Variants in FRMD4A observed in about 807,000 individuals in gnomAD.
FRMD4A encodes the protein FERM domain containing 4A.
Under a neutral mutation model 129.1 loss-of-function variants are expected in FRMD4A, and 29 were observed. The ratio of observed to expected loss-of-function variants is 0.22; its 90% CI spans 0.17 to 0.31. The LOEUF (loss-of-function observed/expected upper bound fraction) is 0.31, where lower values mean the gene tolerates loss of function less well. Ranked by LOEUF, FRMD4A falls within the 10% of genes least tolerant of loss-of-function variation. The pLI is 1.00. For missense variants in FRMD4A, 1,272 were observed against 1,375.8 expected, an observed-to-expected ratio of 0.92 and a Z score of 1.19; for synonymous variants, 634 against 571.6, an observed-to-expected ratio of 1.11 and a Z score of -1.56.
chr10:14,188,291 T>C (rs1247353385), intron 2 of FRMD4A, among the ~76,000 whole-genome samples: 2 of 152,182 alleles, frequency 1.3e-5, no homozygotes, highest in African/African-American at 4.8e-5. Flanking sequence ...CTGGGCTCTT[T>C]GTGTGGTTTG....
intron 2 of FRMD4A, among the ~76,000 whole-genome samples, chr10:14,116,924 G>C (rs922278649): frequency 6.6e-6 from 1 of 152,092 alleles, no homozygotes; most frequent in Non-Finnish European, 1.5e-5. Context: ...GTTTGTTTTT[G>C]GTTAAAAGCA....
chr10:13,976,653 G>A (rs1409089982), intron 2 of FRMD4A, among the ~76,000 whole-genome samples: 1 of 152,120 alleles, frequency 6.6e-6, no homozygotes, highest in Non-Finnish European at 1.5e-5. Context: ...CAAGTAATGT[G>A]TAGTGCTATT....
intron 13 of FRMD4A, among the ~76,000 whole-genome samples, chr10:13,705,377 C>A (rs574261600): frequency 1.3e-5 from 2 of 152,090 alleles, no homozygotes; most frequent in Non-Finnish European, 1.5e-5. Flanking sequence ...TATATGCGTG[C>A]GTGGTTAAAG....
At chr10:14,139,495 G>T (rs1215231543) in intron 2 of FRMD4A, among the ~76,000 whole-genome samples, 1 of 151,628 alleles carries the variant, frequency 6.6e-6, no homozygotes, top group Non-Finnish European at 1.5e-5. Flanking sequence ...TGTCACCAAG[G>T]CTGGAATACT....
intron 3 of FRMD4A, among the ~76,000 whole-genome samples, chr10:13,813,322 G>T (rs1475190102): frequency 6.6e-6 from 1 of 152,212 alleles, no homozygotes; most frequent in African/African-American, 2.4e-5. Flanking sequence ...GCGTGTGCTT[G>T]TAATTCCAGC....
At chr10:14,297,856 C>T (rs4532921) in intron 2 of FRMD4A, among the ~76,000 whole-genome samples, 62,733 of 151,794 alleles carry the variant, frequency 0.41, 13,210 homozygotes, top group Middle Eastern at 0.6. Flanking sequence ...CCATGAATGG[C>T]GATATGAAGT....
At chr10:13,668,516 C>T (rs2083244458) in intron 17 of FRMD4A, 1 of 152,232 alleles carries the variant, frequency 6.6e-6, no homozygotes, top group African/African-American at 2.4e-5. Flanking sequence ...ACCAGGTGAT[C>T]ATCTCATGCT....
At chr10:14,014,001 C>G (rs545047849) in intron 2 of FRMD4A, among the ~76,000 whole-genome samples, 36 of 152,330 alleles carry the variant, frequency 2.4e-4, no homozygotes, top group Non-Finnish European at 4.1e-4. Flanking sequence ...CATGAAAGCT[C>G]CCTGCTAGGC....
intron 23 of FRMD4A, chr10:13,653,440 C>A (rs1233602200): frequency 1.3e-5 from 2 of 152,274 alleles, no homozygotes; most frequent in Non-Finnish European, 2.9e-5. Context: ...ATGGAGGTTG[C>A]AGTGAGCTGA....
intron 8 of FRMD4A, chr10:13,756,080 T>C (rs2091847996): frequency 4.6e-5 from 7 of 152,202 alleles, no homozygotes; most frequent in Admixed American, 4.6e-4. Context: ...GCTGGGAGAA[T>C]CCTGTTTTAG....
intron 2 of FRMD4A, among the ~76,000 whole-genome samples, chr10:13,995,706 G>C (rs549367349): frequency 6.6e-6 from 1 of 152,326 alleles, no homozygotes; most frequent in Non-Finnish European, 1.5e-5. Context: ...CTGAGGTTCT[G>C]CTCGTTGACA....
At chr10:13,654,080 T>C (rs948956870) in intron 23 of FRMD4A, 60 of 457,420 alleles carry the variant, frequency 1.3e-4, no homozygotes, top group Non-Finnish European at 2.1e-4. Flanking sequence ...GCCTGGCATT[T>C]TGAGTCAGCC....
In FRMD4A at chr10:14,179,373, T is replaced by C. The variant is rs79983875; in HGVS notation, c.45+150685A>G. Among the ~76,000 whole-genome samples the C allele has an allele frequency of 6.8e-4, 104 of 152,342 alleles. 1 individual carries two copies. Among genetic ancestry groups the C allele is most frequent in the African/African-American group, 2.4e-3 (98 of 41,570 alleles). Reference sequence around the variant, plus strand: ...ATTTAGAAACATCTTCATCAAATTGTAGGCTTTGGGATGATAATGGATAGA... The same window carrying C: ...ATTTAGAAACATCTTCATCAAATTGCAGGCTTTGGGATGATAATGGATAGA... On this transcript the variant is annotated intron_variant, in intron 2 of 24. Coordinates refer to ENST00000357447, the MANE Select transcript of FRMD4A (RefSeq NM_018027.5).
chr10:14,223,763 A>AAAAG (rs1206702742), intron 2 of FRMD4A, among the ~76,000 whole-genome samples: 12 of 125,170 alleles, frequency 9.6e-5, no homozygotes, highest in African/African-American at 3.8e-4. Context: ...AAAAAAAAAA[A>AAAAG]AGAGAGAGAG....
chr10:13,919,914 G>C (rs1266401492), intron 2 of FRMD4A, among the ~76,000 whole-genome samples: 1 of 152,036 alleles, frequency 6.6e-6, no homozygotes, highest in Admixed American at 6.5e-5. Flanking sequence ...CTCCAGCCTG[G>C]GTGACAGAGT....
At chr10:14,181,562 T>A (rs1397315494) in intron 2 of FRMD4A, among the ~76,000 whole-genome samples, 1 of 152,218 alleles carries the variant, frequency 6.6e-6, no homozygotes, top group Non-Finnish European at 1.5e-5. Context: ...ATTTCCAAGC[T>A]CCAAACTAAA....
chr10:14,140,070 A>G (rs189885731), intron 2 of FRMD4A, among the ~76,000 whole-genome samples: 135 of 151,972 alleles, frequency 8.9e-4, no homozygotes, highest in African/African-American at 3.0e-3. Context: ...ATTTTATTTT[A>G]TTTTATTTTG....
intron 4 of FRMD4A, among the ~76,000 whole-genome samples, chr10:13,810,116 T>C (rs1242932974): frequency 6.6e-6 from 1 of 152,270 alleles, no homozygotes; most frequent in African/African-American, 2.4e-5. Flanking sequence ...TGTTTGTGAC[T>C]GTACGTGTGT....
At chr10:13,964,677 T>C (rs1308734686) in intron 2 of FRMD4A, among the ~76,000 whole-genome samples, 1 of 106,548 alleles carries the variant, frequency 9.4e-6, no homozygotes, top group Admixed American at 9.2e-5. Context: ...TTCTTTTGTT[T>C]TTTTTTTTTT....
Sources: allele counts gnomAD v4.1 joint callset (sites outside exome capture counted in the v4.1 genomes callset), GRCh38; gene constraint gnomAD v4.1.1; transcripts MANE v1.5; gene names NCBI Gene and HGNC (gene_info 2026-07-23, HGNC 2026-07-21).